The following TMC7 variants were observed in gnomAD, a reference collection of about 807,000 sequenced individuals.
TMC7 encodes transmembrane channel-like protein 7.
A neutral mutation model predicts 82.9 loss-of-function variants in TMC7; 54 were observed. That is an observed-to-expected ratio of 0.65 (90% confidence interval 0.52 to 0.82). The LOEUF (loss-of-function observed/expected upper bound fraction) is 0.82. TMC7 is among the 40% of genes least tolerant of loss of function. The pLI is 0.00. For missense variants in TMC7, 820 were observed against 901.2 expected, an observed-to-expected ratio of 0.91 and a Z score of 1.15; for synonymous variants, 350 against 337.9, an observed-to-expected ratio of 1.04 and a Z score of -0.39.
intron 7 of TMC7, among the ~76,000 whole-genome samples, chr16:19,036,916 A>T (rs936717577): frequency 2.0e-5 from 3 of 152,238 alleles, no homozygotes; most frequent in African/African-American, 7.2e-5. Context: ...ATAAAAGCAG[A>T]GACTACTACA....
At position 19,062,140 on chromosome 16, in the gene TMC7, G is replaced by A; in HGVS notation, c.*297G>A. 3.2e-6 allele frequency: 1 copy of A among 315,384 alleles called. No individual in the cohort carries two copies. Among genetic ancestry groups the A allele is most frequent in the Non-Finnish European group, 5.8e-6 (1 of 173,172 alleles). 19.5% of individuals were successfully genotyped at this position (315,384 alleles called of 1,614,324 possible). ...TTACAAGAATGAAAGAGCGGAGACGGTAGTTTAGTATTTGAGCCACGAGTT... is the reference window on the plus strand; with the variant it reads ...TTACAAGAATGAAAGAGCGGAGACGATAGTTTAGTATTTGAGCCACGAGTT... On this transcript the variant is annotated 3_prime_UTR_variant, in exon 16 of 16. Transcript: ENST00000304381.
rs964500960 is a variant in TMC7, at chr16:19,012,788, C to A, written c.311+3373C>A. Among the ~76,000 whole-genome samples, 41 of 66,634 alleles carry A rather than the reference C, an allele frequency of 6.2e-4. 2 individuals are homozygous for A. The highest frequency in any genetic ancestry group is 2.7e-4 in the Admixed American group (1 of 3,658). The allele number at this position is 66,634 out of a possible 152,430, so 43.7% of individuals were successfully genotyped here. On this transcript the variant is annotated intron_variant, in intron 2 of 15. Transcript: ENST00000304381. ...TGGGCGACAGAGTGAGATTCCATCT[C>A]AAAAAAAAAAAAAAAAAAAAAAAAA...
chr16:19,009,169 T>C lies in TMC7; in HGVS notation c.68-3T>C. On this transcript the variant is annotated splice_polypyrimidine_tract_variant and splice_region_variant and intron_variant, in intron 1 of 15. Coordinates refer to ENST00000304381, the MANE Select transcript of TMC7 (RefSeq NM_024847.4). ...AATGATGACTTTCTTTTCTTTTACA[T>C]AGAGAACCTCTCTCTAGACTCCAGT... 6.2e-7 allele frequency: 1 copy of C among 1,612,432 alleles called. No individual in the cohort carries two copies. The highest frequency in any genetic ancestry group is 1.1e-5 in the South Asian group (1 of 91,004).
At chr16:18,997,329 G>A (rs892479857) in intron 1 of TMC7, among the ~76,000 whole-genome samples, 1 of 152,206 alleles carries the variant, frequency 6.6e-6, no homozygotes, top group African/African-American at 2.4e-5. Context: ...GCCTGCCTTG[G>A]CCTCTCAAAG....
At chr16:19,006,186 G>A (rs2142162034) in intron 1 of TMC7, among the ~76,000 whole-genome samples, 1 of 151,760 alleles carries the variant, frequency 6.6e-6, no homozygotes, top group South Asian at 2.1e-4. Flanking sequence ...CCTTGCCCTT[G>A]CAGCCTCCAG....
chr16:18,984,343 C>T, intron 1 of TMC7: 1 of 1,297,358 alleles, frequency 7.7e-7, no homozygotes, highest in Non-Finnish European at 9.7e-7. Context: ...TGGAACCCAG[C>T]CGGGCCAAAA....
chr16:19,000,086 G>A (rs529504997), intron 1 of TMC7, among the ~76,000 whole-genome samples: 7 of 152,108 alleles, frequency 4.6e-5, no homozygotes, highest in African/African-American at 1.4e-4. Flanking sequence ...GGCAGAGTCC[G>A]GGCTTTATGA....
chr16:18,996,710 G>T (rs372318770), intron 1 of TMC7, among the ~76,000 whole-genome samples: 1 of 152,204 alleles, frequency 6.6e-6, no homozygotes, highest in Admixed American at 6.5e-5. Flanking sequence ...CACAGAGAAG[G>T]GGGTGGAGAG....
At chr16:19,019,651 A>G (rs1959869358) in intron 3 of TMC7, among the ~76,000 whole-genome samples, 1 of 152,164 alleles carries the variant, frequency 6.6e-6, no homozygotes, top group Non-Finnish European at 1.5e-5. Context: ...CAGGCATTCA[A>G]GATGTAGAGT....
At chr16:19,005,304 G>C (rs2039219733) in intron 1 of TMC7, among the ~76,000 whole-genome samples, 2 of 152,048 alleles carry the variant, frequency 1.3e-5, no homozygotes, top group African/African-American at 4.8e-5. Flanking sequence ...TTAGCAGGAT[G>C]GTCTTGATCT....
At chr16:19,060,489 G>A (rs899425669) in intron 15 of TMC7, among the ~76,000 whole-genome samples, 4 of 151,920 alleles carry the variant, frequency 2.6e-5, no homozygotes, top group Non-Finnish European at 5.9e-5. Flanking sequence ...ACAGGCATGA[G>A]CCACTATGCC....
In TMC7 at chr16:19,059,440, C is replaced by T. The variant is rs1961908182; in HGVS notation, c.2052C>T (p.Ala684=). The T allele has an allele frequency of 6.2e-7, 1 of 1,614,044 alleles. No individual in the cohort carries two copies. The highest frequency in any genetic ancestry group is 8.5e-7 in the Non-Finnish European group (1 of 1,180,026). The change falls in exon 15 of 16, where the codon GCC becomes GCT. Residue 684 remains alanine (A), a synonymous_variant. Transcript: ENST00000304381. ...IICLIMFYFI[A]LAGAHKRVVI... ...GCCTCATCATGTTTTACTTCATTGCCTTAGCTGGAGCACACAAACGGGTGG... is the reference window on the plus strand; with the variant it reads ...GCCTCATCATGTTTTACTTCATTGCTTTAGCTGGAGCACACAAACGGGTGG...
intron 6 of TMC7, chr16:19,033,391 G>A (rs1960605259): frequency 6.6e-6 from 1 of 152,158 alleles, no homozygotes; most frequent in Admixed American, 6.6e-5. Context: ...TCTGTAAAAT[G>A]TAGTTCTGGG....
chr16:19,051,568 T>C (rs1961542935), intron 12 of TMC7, 118 bp from the exon 13 acceptor site: 2 of 1,196,382 alleles, frequency 1.7e-6, no homozygotes, highest in Admixed American at 4.7e-5. Flanking sequence ...ATTGCTGGAC[T>C]ACCCTCTGGA....
At chr16:18,989,646 G>T (rs1474765485) in intron 1 of TMC7, among the ~76,000 whole-genome samples, 1 of 134,284 alleles carries the variant, frequency 7.4e-6, no homozygotes, top group Non-Finnish European at 1.7e-5. Context: ...GAGGCAGGTA[G>T]GGTCTCTGCT....
intron 6 of TMC7, among the ~76,000 whole-genome samples, chr16:19,032,713 T>C (rs1960572142): frequency 6.6e-6 from 1 of 152,116 alleles, no homozygotes; most frequent in Non-Finnish European, 1.5e-5. Context: ...CTGCAACCTC[T>C]GCCTTCCGGG....
intron 14 of TMC7, 152 bp downstream of exon 14, chr16:19,056,849 G>A: frequency 1.1e-6 from 1 of 901,074 alleles, no homozygotes; most frequent in Non-Finnish European, 1.6e-6. Context: ...AATAGGCCAG[G>A]CGCGGTGGCT....
intron 9 of TMC7, among the ~76,000 whole-genome samples, chr16:19,041,363 T>G (rs1961004091): frequency 1.3e-5 from 2 of 151,922 alleles, no homozygotes; most frequent in Non-Finnish European, 2.9e-5. Context: ...TGTAAACACT[T>G]CATTATACCT....
At position 19,061,849 on chromosome 16, in the gene TMC7, C is replaced by T; in HGVS notation, c.*6C>T. ...AAAGGGACATGAGGAACTAACTAGA[C>T]TGAGCGTGAAGATGGTGCTGCCTGT... On this transcript the variant is annotated 3_prime_UTR_variant, in exon 16 of 16. Coordinates refer to ENST00000304381, the MANE Select transcript of TMC7 (RefSeq NM_024847.4). The T allele has an allele frequency of 6.2e-7, 1 of 1,612,936 alleles. No homozygotes were observed.
Sources: gnomAD v4.1 joint callset for allele counts (sites outside exome capture counted in the v4.1 genomes callset) on GRCh38, gnomAD v4.1.1 for gene constraint, MANE v1.5 for transcripts, NCBI Gene and HGNC (gene_info 2026-07-23, HGNC 2026-07-21) for gene names.